Variants in MGAM observed in about 807,000 individuals in gnomAD.
The protein encoded by MGAM is alpha-1,4-glucosidase.
Under a neutral mutation model 358.8 loss-of-function variants are expected in MGAM, and 253 were observed. That is an observed-to-expected ratio of 0.71 (90% CI 0.64 to 0.78). MGAM has a LOEUF of 0.78. Among genes scored for constraint, MGAM ranks in the 30% least tolerant of loss-of-function variants. The pLI, the probability that MGAM is intolerant of heterozygous loss-of-function variation, is 0.00. For synonymous variants in MGAM, 1,105 were observed against 1,227.1 expected (o/e 0.90, Z 2.08); for missense variants, 3,080 against 3,432.6 (o/e 0.90, Z 2.57).
intron 54 of MGAM, 31 bp downstream of exon 54, chr7:142,084,675 A>G: frequency 1.9e-6 from 3 of 1,545,116 alleles, no homozygotes; most frequent in Middle Eastern, 1.7e-4. Flanking sequence ...CTGGAGTTTG[A>G]AAACTAACCC....
chr7:142,096,480 A>G, intron 65 of MGAM, 65 bp downstream of exon 65: 1 of 1,512,544 alleles, frequency 6.6e-7, no homozygotes, highest in East Asian at 2.2e-5. Flanking sequence ...AAGGACGAGG[A>G]GAAGAGGCCT....
rs758201351 is a variant in MGAM at position 142,076,589 on chromosome 7, T to C, written c.5326-70T>C. Reference sequence around the variant, plus strand: ...GGGGTATCCAGTCTGGAATAGAATATATGAGTGACTTGAGAATCTGTGTAT... The same window carrying C: ...GGGGTATCCAGTCTGGAATAGAATACATGAGTGACTTGAGAATCTGTGTAT... On this transcript the variant is annotated intron_variant, in intron 46 of 70. Coordinates refer to ENST00000475668, the MANE Select transcript of MGAM (RefSeq NM_001365693.1). 65 of 1,296,174 alleles carry C rather than the reference T, an allele frequency of 5.0e-5. 5 individuals carry two copies. The highest frequency in any genetic ancestry group is 6.4e-5 in the Non-Finnish European group (59 of 915,146). The allele number at this position is 1,296,174 out of a possible 1,614,324, so 80.3% of individuals were successfully genotyped here. A position where few individuals can be genotyped will look rare whatever the true frequency, so the allele number is the denominator to read the frequency against.
At chr7:142,044,967 ATAT>A (rs2129020552) in intron 21 of MGAM, among the ~76,000 whole-genome samples, 1 of 107,736 alleles carries the variant, frequency 9.3e-6, no homozygotes, top group Non-Finnish European at 1.8e-5. Context: ...CACGTGTAAT[ATAT>A]GATATATAAT....
At chr7:142,040,276 AG>A (rs113115622) in intron 20 of MGAM, 105 bp downstream of exon 20, 1 of 927,340 alleles carries the variant, frequency 1.1e-6, no homozygotes, top group Non-Finnish European at 1.7e-6. Context: ...GCTGAGGAGT[AG>A]TTTTTAGTGT....
intron 57 of MGAM, among the ~76,000 whole-genome samples, chr7:142,091,226 G>C (rs1354653613): frequency 7.2e-6 from 1 of 139,624 alleles, no homozygotes; most frequent in Admixed American, 7.3e-5. Flanking sequence ...TAGCCTGGGT[G>C]GGTGACAGAG....
At chr7:142,072,970 T>C (rs957914953) in intron 44 of MGAM, among the ~76,000 whole-genome samples, 2 of 146,570 alleles carry the variant, frequency 1.4e-5, no homozygotes, top group African/African-American at 4.9e-5. Flanking sequence ...CTTGAGTATA[T>C]TCCTTACTGT....
chr7:142,036,879 C>A lies in MGAM; in HGVS notation c.2133C>A (p.His711Gln), dbSNP rs1554466129. ...ADSLLLNSSR[H>Q]YLNIRYTLLP... ...CCCTGCTGTTGAATTCCTCCAGGCACTACCTTAACATCCGCTATACTCTAT... is the reference window on the plus strand; with the variant it reads ...CCCTGCTGTTGAATTCCTCCAGGCAATACCTTAACATCCGCTATACTCTAT... Residue 711 changes from histidine to glutamine, a missense_variant, in exon 18 of 71, where the codon CAC (histidine) becomes CAA (glutamine). His to Gln is a conservative substitution (Grantham distance 24, BLOSUM62 0). Coordinates refer to ENST00000475668, the MANE Select transcript of MGAM (RefSeq NM_001365693.1). 6.2e-6 allele frequency: 10 copies of A among 1,613,644 alleles called. No homozygotes were observed. The highest frequency in any genetic ancestry group is 5.9e-6 in the Non-Finnish European group (7 of 1,179,612).
rs1812338548 is a variant in MGAM, at chr7:142,062,716, T to C, written c.4257+14T>C. ...GGCATGTGGATTGTAAGTGTGTGTGTGTCTCTGTGTACCAGTGGCTCTTGT... is the reference window on the plus strand; with the variant it reads ...GGCATGTGGATTGTAAGTGTGTGTGCGTCTCTGTGTACCAGTGGCTCTTGT... On this transcript the variant is annotated intron_variant, in intron 35 of 70. Transcript: ENST00000475668. 6.2e-7 allele frequency: 1 copy of C among 1,611,460 alleles called. No homozygotes were observed.
chr7:142,027,062 A>C (rs1460173200), intron 8 of MGAM, 53 bp from the exon 9 acceptor site: 1 of 1,309,208 alleles, frequency 7.6e-7, no homozygotes, highest in South Asian at 1.2e-5. Flanking sequence ...ACTTGTAGTT[A>C]CTATTCAAGA....
intron 5 of MGAM, 30 bp from the exon 6 acceptor site, chr7:142,021,556 G>A (rs1554458809): frequency 1.2e-6 from 2 of 1,605,640 alleles, no homozygotes; most frequent in Admixed American, 1.7e-5. Flanking sequence ...TTTTTATTTT[G>A]GCTTTCCTTC....
intron 44 of MGAM, 88 bp from the exon 45 acceptor site, chr7:142,073,997 C>T (rs1813541524): frequency 1.0e-6 from 1 of 956,164 alleles, no homozygotes; most frequent in African/African-American, 1.6e-5. Context: ...GTATCTTTTC[C>T]AGTTTGAAAT....
intron 1 of MGAM, among the ~76,000 whole-genome samples, chr7:142,000,223 G>A (rs1554450212): frequency 2.0e-5 from 3 of 152,124 alleles, no homozygotes; most frequent in African/African-American, 7.2e-5. Flanking sequence ...GGTCTCTCAT[G>A]AATCCAGCCA....
chr7:142,053,802 G>A (rs1811244721), intron 26 of MGAM, among the ~76,000 whole-genome samples: 3 of 152,110 alleles, frequency 2.0e-5, no homozygotes, highest in Admixed American at 2.0e-4. Flanking sequence ...CTGAGTTCTT[G>A]TTCATCCTCT....
At position 142,044,320 on chromosome 7, in the gene MGAM, C is replaced by T. The variant is rs1311190704; in HGVS notation, c.2499-3465C>T. ...ATATACTATATATAATATACACATA[C>T]GATATATAATATATAATATATATAT... is the stretch of plus-strand genomic sequence containing the variant. On this transcript the variant is annotated intron_variant, in intron 21 of 70. Transcript: ENST00000475668. Among the ~76,000 whole-genome samples, 19 of 131,154 alleles carry T rather than the reference C, an allele frequency of 1.4e-4. 1 individual carries two copies. Among genetic ancestry groups the T allele is most frequent in the African/African-American group, 3.9e-4 (14 of 36,246 alleles). 86.0% of individuals were successfully genotyped at this position (131,154 alleles called of 152,430 possible). A position where few individuals can be genotyped will look rare whatever the true frequency, so the allele number is the denominator to read the frequency against.
chr7:142,055,585 CTT>C lies in MGAM; in HGVS notation c.3343_3344del (p.Phe1115GlnfsTer2), dbSNP rs1563172957. The part of the protein sequence containing the change: ...IWDSQLLGFT[F>X]SDMFIRISTR... Reference sequence around the variant, plus strand: ...GGGACTCTCAGCTCCTTGGCTTTACCTTCAGTGACATGTTTATCCGCATCTCC... The same window carrying C: ...GGGACTCTCAGCTCCTTGGCTTTACCCAGTGACATGTTTATCCGCATCTCC... On this transcript the variant is annotated frameshift_variant, in exon 28 of 71. Transcript: ENST00000475668. LOFTEE classifies it high-confidence loss of function. 6.2e-7 allele frequency: 1 copy of C among 1,613,782 alleles called. No homozygotes were observed. The highest frequency in any genetic ancestry group is 1.3e-5 in the African/African-American group (1 of 74,886).
intron 67 of MGAM, among the ~76,000 whole-genome samples, chr7:142,100,543 A>G (rs1427689043): frequency 6.6e-6 from 1 of 152,244 alleles, no homozygotes; most frequent in Non-Finnish European, 1.5e-5. Flanking sequence ...GAAAGAACCC[A>G]GTTAGTCTGG....
chr7:142,064,142 G>GT (rs1283992662), intron 36 of MGAM, among the ~76,000 whole-genome samples: 3 of 152,204 alleles, frequency 2.0e-5, no homozygotes, highest in Non-Finnish European at 4.4e-5. Flanking sequence ...GTCATGTAGT[G>GT]TTTGACAGCT....
Position 142,040,781 on chromosome 7 carries a change from T to C in MGAM, c.2433T>C (p.Ile811=). The change falls in exon 21 of 71, where the codon ATT becomes ATC. Residue 811 remains isoleucine, a synonymous_variant. Transcript: ENST00000475668. The part of the protein sequence containing the change: ...KVEMELPGDK[I]GLHLRGGYIF... ...AGATGGAACTTCCTGGAGACAAAATTGGACTTCACCTTCGAGGAGGCTACA... is the reference window on the plus strand; with the variant it reads ...AGATGGAACTTCCTGGAGACAAAATCGGACTTCACCTTCGAGGAGGCTACA... The C allele has an allele frequency of 6.2e-7, 1 of 1,613,334 alleles. No individual in the cohort carries two copies. Among genetic ancestry groups the C allele is most frequent in the Non-Finnish European group, 8.5e-7 (1 of 1,179,536 alleles).
chr7:142,036,211 G>T lies in MGAM; in HGVS notation c.2002G>T (p.Glu668Ter). 6.2e-7 allele frequency: 1 copy of T among 1,612,452 alleles called. No homozygotes were observed. The highest frequency in any genetic ancestry group is 8.5e-7 in the Non-Finnish European group (1 of 1,179,300). Reference sequence around the variant, plus strand: ...TGGCTTTGCTTTGGACACCCCTGAGGAGCTCTGTAGGCGGTGGATGCAGTT... The same window carrying T: ...TGGCTTTGCTTTGGACACCCCTGAGTAGCTCTGTAGGCGGTGGATGCAGTT... ...ICGFALDTPE[E>*]LCRRWMQLGA... Residue 668 changes from glutamate to a stop codon, truncating the protein, a stop_gained, in exon 17 of 71, where the codon GAG (glutamate) becomes TAG (stop). Coordinates refer to ENST00000475668, the MANE Select transcript of MGAM (RefSeq NM_001365693.1). LOFTEE classifies it high-confidence loss of function.
Sources: allele counts gnomAD v4.1 joint callset (sites outside exome capture counted in the v4.1 genomes callset), GRCh38; gene constraint gnomAD v4.1.1; transcripts MANE v1.5; gene names NCBI Gene and HGNC (gene_info 2026-07-23, HGNC 2026-07-21).